The following DENND4A variants were observed in gnomAD, a reference collection of about 807,000 sequenced individuals.
DENND4A encodes C-myc promoter-binding protein.
A neutral mutation model predicts 199.3 loss-of-function variants in DENND4A; 70 were observed. The observed-to-expected ratio is 0.35, with a 90% CI of 0.29 to 0.43. The LOEUF (loss-of-function observed/expected upper bound fraction) is 0.43. Ranked by LOEUF, DENND4A falls within the 20% of genes least tolerant of loss-of-function variation. The probability of loss-of-function intolerance (pLI) is 1.00; values close to 1 mark genes in which losing one functional copy is unlikely to be tolerated. For synonymous variants in DENND4A, 686 were observed against 766.9 expected (o/e 0.89, Z 1.74); for missense variants, 1,723 against 2,255.8 (o/e 0.76, Z 4.78).
intron 23 of DENND4A, among the ~76,000 whole-genome samples, chr15:65,680,429 A>G (rs1206270969): frequency 6.6e-6 from 1 of 152,190 alleles, no homozygotes; most frequent in Non-Finnish European, 1.5e-5. Flanking sequence ...GAATACAGAT[A>G]TGTATTTTAA....
chr15:65,781,529 A>G (rs1181904380), intron 1 of DENND4A, among the ~76,000 whole-genome samples: 1 of 152,206 alleles, frequency 6.6e-6, no homozygotes, highest in Non-Finnish European at 1.5e-5. Context: ...AGAATTCAGT[A>G]AATAAATGGA....
Position 65,715,481 on chromosome 15 carries a change from A to G in DENND4A, c.1950T>C (p.Asp650=). The part of the protein sequence containing the change: ...ASLAFFDDCV[D]KVDMDKSGEV... The stretch of plus-strand genomic sequence containing the variant: ...TTGTAGATGTACTGTTACTTACTTT[A>G]TCTACACAATCATCAAAAAATGCCA... Residue 650 remains aspartate (D), a synonymous_variant, in exon 14 of 33, where the codon GAT becomes GAC. Coordinates refer to ENST00000443035, the MANE Select transcript of DENND4A (RefSeq NM_001320835.1). 1 of 1,608,546 alleles carries G rather than the reference A, an allele frequency of 6.2e-7. No individual in the cohort carries two copies. Among genetic ancestry groups the G allele is most frequent in the Non-Finnish European group, 8.5e-7 (1 of 1,178,738 alleles).
chr15:65,727,996 TTTTG>T (rs926044021), intron 11 of DENND4A, among the ~76,000 whole-genome samples: 10 of 151,882 alleles, frequency 6.6e-5, no homozygotes, highest in Admixed American at 1.3e-4. Flanking sequence ...GATGAGTTTT[TTTTG>T]TTTGTTTTTT....
chr15:65,735,119 T>C (rs2076075697), intron 7 of DENND4A, among the ~76,000 whole-genome samples: 1 of 151,232 alleles, frequency 6.6e-6, no homozygotes, highest in Admixed American at 6.6e-5. Context: ...GGCTCACACC[T>C]GTAATCTCAG....
chr15:65,725,698 T>G (rs953710463), intron 11 of DENND4A, among the ~76,000 whole-genome samples: 5 of 140,786 alleles, frequency 3.6e-5, no homozygotes, highest in Non-Finnish European at 6.2e-5. Context: ...ATAAAAAAAA[T>G]AAAAAAAAGA....
intron 8 of DENND4A, among the ~76,000 whole-genome samples, chr15:65,731,960 C>T: frequency 6.6e-6 from 1 of 152,062 alleles, no homozygotes; most frequent in East Asian, 1.9e-4. Context: ...AACAAATTCA[C>T]ACTGAAAGAC....
intron 1 of DENND4A, among the ~76,000 whole-genome samples, chr15:65,765,954 C>T (rs1210250813): frequency 6.6e-6 from 1 of 152,086 alleles, no homozygotes; most frequent in African/African-American, 2.4e-5. Flanking sequence ...TACTTTCTTA[C>T]AAAATAGATG....
intron 1 of DENND4A, among the ~76,000 whole-genome samples, chr15:65,774,032 G>T (rs1040525943): frequency 6.6e-6 from 1 of 152,232 alleles, no homozygotes; most frequent in Non-Finnish European, 1.5e-5. Flanking sequence ...TTAACAGTAG[G>T]TACAATTTTA....
At chr15:65,783,311 G>A (rs564868105) in intron 1 of DENND4A, among the ~76,000 whole-genome samples, 1 of 152,336 alleles carries the variant, frequency 6.6e-6, no homozygotes, top group South Asian at 2.1e-4. Flanking sequence ...GATGTCAGAT[G>A]GCGTGAGCCA....
intron 23 of DENND4A, among the ~76,000 whole-genome samples, chr15:65,678,026 C>G (rs1031522056): frequency 6.9e-6 from 1 of 145,636 alleles, no homozygotes; most frequent in African/African-American, 2.5e-5. Flanking sequence ...CTCCTGGGTT[C>G]AAGTGATTCT....
chr15:65,784,186 AT>A (rs2077506403), intron 1 of DENND4A, among the ~76,000 whole-genome samples: 2 of 152,128 alleles, frequency 1.3e-5, no homozygotes, highest in Admixed American at 6.6e-5. Context: ...TCCCTGACCA[AT>A]ACTCCTCAAA....
At chr15:65,769,118 CTATTA>C (rs76543459) in intron 1 of DENND4A, among the ~76,000 whole-genome samples, 6,843 of 151,216 alleles carry the variant, frequency 0.045, 177 homozygotes, top group South Asian at 0.084. Flanking sequence ...CGGATATAAA[CTATTA>C]TGAGTTTTCA....
chr15:65,755,860 A>G (rs1415819355), intron 3 of DENND4A, among the ~76,000 whole-genome samples: 1 of 152,244 alleles, frequency 6.6e-6, no homozygotes, highest in African/African-American at 2.4e-5. Context: ...TCCAATCAGG[A>G]TAACACTTTA....
At chr15:65,724,787 T>C (rs968674943) in intron 11 of DENND4A, among the ~76,000 whole-genome samples, 5 of 152,320 alleles carry the variant, frequency 3.3e-5, no homozygotes, top group East Asian at 1.9e-4. Flanking sequence ...GAACGCAACA[T>C]AGAAACACTT....
rs758656564 is a variant in DENND4A, at chr15:65,737,961, TA to T, written c.802-17del. 17 of 1,553,988 alleles carry T rather than the reference TA, an allele frequency of 1.1e-5. No individual in the cohort carries two copies. The South Asian group carries it at 2.0e-4, about 19-fold the overall frequency. Reference sequence around the variant, plus strand: ...CACCATAAACCTGCAAAACAAGTAATATATCCAGTAAATATACTTTGTATCA... The same window carrying T: ...CACCATAAACCTGCAAAACAAGTAATTATCCAGTAAATATACTTTGTATCA... On this transcript the variant is annotated splice_polypyrimidine_tract_variant and intron_variant, in intron 6 of 32. Coordinates refer to ENST00000443035, the MANE Select transcript of DENND4A (RefSeq NM_001320835.1).
At chr15:65,753,039 G>A (rs1441122995) in intron 3 of DENND4A, among the ~76,000 whole-genome samples, 4 of 152,090 alleles carry the variant, frequency 2.6e-5, no homozygotes, top group Non-Finnish European at 5.9e-5. Context: ...CTGCTTGCAC[G>A]CTTTTATCTC....
rs758888872 is a variant in DENND4A at position 65,670,165 on chromosome 15, C to T, written c.4488G>A (p.Arg1496=). ...AMEVLISSCS[R]CRTCDCLVHD... is the part of the protein sequence containing the mutation. ...GGACAAGACAATCACAAGTTCTACA[C>T]CGAGAGCAACTTGAGATGAGAACCT... Residue 1496 remains arginine, a synonymous_variant, in exon 26 of 33, where the codon CGG becomes CGA. Transcript: ENST00000443035. 22 of 1,543,400 alleles carry T rather than the reference C, an allele frequency of 1.4e-5. No homozygotes were observed. The South Asian group carries it at 2.0e-4, about 14-fold the overall frequency.
At chr15:65,671,731 C>T in intron 25 of DENND4A, 61 bp downstream of exon 25, 1 of 1,183,182 alleles carries the variant, frequency 8.5e-7, no homozygotes, top group Admixed American at 1.7e-5. Context: ...ACCACTAATA[C>T]TTAAGAAATG....
intron 15 of DENND4A, among the ~76,000 whole-genome samples, chr15:65,705,804 G>GC (rs1771749058): frequency 6.6e-6 from 1 of 152,126 alleles, no homozygotes; most frequent in South Asian, 2.1e-4. Context: ...TTCTAGTGCT[G>GC]CATTTGGTGT....
Sources: gnomAD v4.1 joint callset for allele counts (sites outside exome capture counted in the v4.1 genomes callset) on GRCh38, gnomAD v4.1.1 for gene constraint, MANE v1.5 for transcripts, NCBI Gene and HGNC (gene_info 2026-07-23, HGNC 2026-07-21) for gene names.